ZNF423: variants seen among roughly 807,000 people sequenced by gnomAD.
ZNF423 encodes Ebf-associated zinc finger protein.
A neutral mutation model predicts 95.8 loss-of-function variants in ZNF423; 12 were observed. The ratio of observed to expected loss-of-function variants is 0.13; its 90% CI spans 0.08 to 0.20. The LOEUF is 0.20. Ranked by LOEUF, ZNF423 falls within the 10% of genes least tolerant of loss-of-function variation. The probability of loss-of-function intolerance (pLI) is 1.00; values close to 1 mark genes in which losing one functional copy is unlikely to be tolerated. For missense variants in ZNF423, 1,316 were observed against 1,737.1 expected (o/e 0.76, Z 4.31); for synonymous variants, 749 against 711.9 (o/e 1.05, Z -0.83).
chr16:49,607,982 G>A lies in ZNF423; in HGVS notation c.3601+18188C>T, dbSNP rs182621912. 2.4e-4 allele frequency among the ~76,000 whole-genome samples: 36 copies of A among 152,252 alleles called. No homozygotes were observed. The East Asian group carries it at 4.4e-3, about 19-fold the overall frequency. On this transcript the variant is annotated intron_variant, in intron 5 of 7. Coordinates refer to ENST00000563137, the MANE Select transcript of ZNF423 (RefSeq NM_001379286.1). ...CTCCCATGACAACTTTTAGCCCTAG[G>A]CATCAATGACTGGAGATCATTCTAC...
chr16:49,840,535 A>T (rs532121761), intron 1 of ZNF423, among the ~76,000 whole-genome samples: 1 of 152,366 alleles, frequency 6.6e-6, no homozygotes, highest in South Asian at 2.1e-4. Flanking sequence ...GTAAATTCAT[A>T]AGCAAAGTCT....
At chr16:49,518,582 T>C (rs1314152844) in intron 7 of ZNF423, 6 of 420,794 alleles carry the variant, frequency 1.4e-5, no homozygotes, top group Non-Finnish European at 2.3e-5. Context: ...AGATGTTCCA[T>C]TGCAAAAAAA....
intron 1 of ZNF423, among the ~76,000 whole-genome samples, chr16:49,816,707 C>T (rs2034861073): frequency 6.6e-6 from 1 of 152,024 alleles, no homozygotes; most frequent in Non-Finnish European, 1.5e-5. Flanking sequence ...TTGCTTGAGC[C>T]TGGGAGGTTG....
intron 1 of ZNF423, among the ~76,000 whole-genome samples, chr16:49,832,099 C>T (rs1333864729): frequency 1.3e-5 from 2 of 152,102 alleles, no homozygotes; most frequent in Non-Finnish European, 2.9e-5. Flanking sequence ...TATCCGAGGG[C>T]CCTGGCCACC....
chr16:49,731,246 G>A (rs945817832), intron 2 of ZNF423: 63 of 885,478 alleles, frequency 7.1e-5, no homozygotes, highest in Non-Finnish European at 7.6e-5. Context: ...GTGACCCATC[G>A]GAGAGGTGAA....
intron 1 of ZNF423, among the ~76,000 whole-genome samples, chr16:49,817,245 AG>A (rs1252701795): frequency 3.3e-5 from 5 of 152,202 alleles, no homozygotes; most frequent in Admixed American, 2.0e-4. Flanking sequence ...AGGGGAGAGC[AG>A]GGGGAGGCAG....
chr16:49,756,815 G>A (rs969022268), intron 2 of ZNF423, among the ~76,000 whole-genome samples: 14 of 152,244 alleles, frequency 9.2e-5, no homozygotes, highest in African/African-American at 4.8e-5. Flanking sequence ...GAGCACCCCT[G>A]AGGACAAGTC....
chr16:49,577,910 C>T (rs1254128878), intron 5 of ZNF423, among the ~76,000 whole-genome samples: 6 of 152,236 alleles, frequency 3.9e-5, no homozygotes, highest in Admixed American at 3.9e-4. Flanking sequence ...GCCTCTGAAA[C>T]TCTGCACTCA....
At chr16:49,615,128 T>TCACACACACA (rs557190259) in intron 5 of ZNF423, among the ~76,000 whole-genome samples, 5,482 of 98,210 alleles carry the variant, frequency 0.056, 255 homozygotes, top group African/African-American at 0.15. Flanking sequence ...AGAAACTCCA[T>TCACACACACA]CTCACACACA....
At chr16:49,659,423 T>A (rs2030078379) in intron 3 of ZNF423, among the ~76,000 whole-genome samples, 1 of 152,196 alleles carries the variant, frequency 6.6e-6, no homozygotes, top group South Asian at 2.1e-4. Flanking sequence ...AAGCCACACA[T>A]AATCCTTTCA....
chr16:49,549,677 T>C (rs575079363), intron 5 of ZNF423, among the ~76,000 whole-genome samples: 1 of 152,174 alleles, frequency 6.6e-6, no homozygotes, highest in South Asian at 2.1e-4. Flanking sequence ...AATTCACACA[T>C]CCGGTCCTTG....
At chr16:49,605,088 T>C (rs1010130382) in intron 5 of ZNF423, among the ~76,000 whole-genome samples, 4 of 152,148 alleles carry the variant, frequency 2.6e-5, no homozygotes, top group African/African-American at 9.7e-5. Flanking sequence ...GTTCTAGAAA[T>C]AGTCCCGGCC....
At chr16:49,550,280 T>A (rs1969586826) in intron 5 of ZNF423, among the ~76,000 whole-genome samples, 1 of 152,248 alleles carries the variant, frequency 6.6e-6, no homozygotes, top group African/African-American at 2.4e-5. Flanking sequence ...GAGAGCTTAC[T>A]CAGGAGGATG....
chr16:49,833,967 C>T lies in ZNF423; in HGVS notation c.40+21768G>A, dbSNP rs546362297. 2.0e-5 allele frequency among the ~76,000 whole-genome samples: 3 copies of T among 152,302 alleles called. No homozygotes were observed. The East Asian group carries it at 5.8e-4, about 29-fold the overall frequency. ...AACTCAGGATGGAGCGAGTTCCCAG[C>T]TGGGGCGGGCAGTGGCCTTGGCTTC... On this transcript the variant is annotated intron_variant, in intron 1 of 7. Coordinates refer to ENST00000563137, the MANE Select transcript of ZNF423 (RefSeq NM_001379286.1).
intron 1 of ZNF423, among the ~76,000 whole-genome samples, chr16:49,810,154 G>A (rs2034729419): frequency 6.6e-6 from 1 of 152,096 alleles, no homozygotes; most frequent in South Asian, 2.1e-4. Flanking sequence ...GGCTGGGGGA[G>A]TCCTGGCACC....
At chr16:49,815,279 G>A (rs2034819101) in intron 1 of ZNF423, among the ~76,000 whole-genome samples, 2 of 151,892 alleles carry the variant, frequency 1.3e-5, no homozygotes, top group South Asian at 2.1e-4. Context: ...CCACCAAAAC[G>A]AACCAAAAAA....
At chr16:49,509,141 G>T (rs937654634) in intron 7 of ZNF423, among the ~76,000 whole-genome samples, 3 of 152,164 alleles carry the variant, frequency 2.0e-5, no homozygotes, top group African/African-American at 4.8e-5. Flanking sequence ...AAGCAAAGTG[G>T]CTCGCTAAGT....
Position 49,638,823 on chromosome 16 carries a change from T to C in ZNF423, c.353A>G (p.Lys118Arg), listed in dbSNP as rs1388495367. ...CATCTGCGTGGGTGACGCAACATCC[T>C]TGCTGGAGGGAGACGAGGCCACCCA... is the stretch of plus-strand genomic sequence containing the variant. Reference protein sequence around the residue: ...LSWVASSPSSKDVASPTQMIG... With the variant: ...LSWVASSPSSRDVASPTQMIG... The change falls in exon 4 of 8, where the codon AAG becomes AGG. Residue 118 changes from lysine to arginine, a missense_variant. Lys to Arg is a conservative substitution (Grantham distance 26, BLOSUM62 2). Coordinates refer to ENST00000563137, the MANE Select transcript of ZNF423 (RefSeq NM_001379286.1). This position sits in a 1 kb window ranked among gnomAD's most constrained non-coding sequence, Gnocchi z 5.6. 6.2e-7 allele frequency: 1 copy of C among 1,613,656 alleles called. No homozygotes were observed. The highest frequency in any genetic ancestry group is 8.5e-7 in the Non-Finnish European group (1 of 1,179,686).
At position 49,636,700 on chromosome 16, in the gene ZNF423, C is replaced by A. The variant is rs777218052; in HGVS notation, c.2476G>T (p.Ala826Ser). The A allele has an allele frequency of 1.7e-5, 28 of 1,613,982 alleles. No individual in the cohort carries two copies. The highest frequency in any genetic ancestry group is 2.3e-5 in the Non-Finnish European group (27 of 1,180,044). The change falls in exon 4 of 8, where the codon GCC becomes TCC. Residue 826 changes from alanine (A) to serine (S), a missense_variant. Ala to Ser is a moderately conservative substitution (Grantham distance 99, BLOSUM62 1). Coordinates refer to ENST00000563137, the MANE Select transcript of ZNF423 (RefSeq NM_001379286.1). This position sits in a 1 kb window ranked among gnomAD's most constrained non-coding sequence, Gnocchi z 8.6. ...AGGTGCTTCTCCAGCAGGATGATGGCGTGGAAGGCCTTGCTGCAGAACTTA... is the reference window on the plus strand; with the variant it reads ...AGGTGCTTCTCCAGCAGGATGATGGAGTGGAAGGCCTTGCTGCAGAACTTA... ...NCKFCSKAFH[A>S]IILLEKHLRE...
Sources: allele counts gnomAD v4.1 joint callset (sites outside exome capture counted in the v4.1 genomes callset), GRCh38; gene constraint gnomAD v4.1.1; non-coding constraint Gnocchi (gnomAD v3.1); transcripts MANE v1.5; gene names NCBI Gene and HGNC (gene_info 2026-07-23, HGNC 2026-07-21).